Variants in PCDHGA8 observed in about 807,000 individuals in gnomAD.
The protein encoded by PCDHGA8 is protocadherin gamma-A8.
PCDHGA8 carries 45 observed loss-of-function variants against 59.2 expected under a neutral mutation model. The ratio of observed to expected loss-of-function variants is 0.76; its 90% CI spans 0.60 to 0.98. The LOEUF is 0.98. Among genes scored for constraint, PCDHGA8 ranks in the 50% least tolerant of loss-of-function variants. The probability of loss-of-function intolerance (pLI) is 0.00; values close to 1 mark genes in which losing one functional copy is unlikely to be tolerated. For synonymous variants in PCDHGA8, 531 were observed against 519.0 expected, an observed-to-expected ratio of 1.02 and a Z score of -0.32; for missense variants, 1,257 against 1,196.2, an observed-to-expected ratio of 1.05 and a Z score of -0.75.
rs1416755901 is a variant in PCDHGA8 at position 141,489,721 on chromosome 5, G to C, written c.2425-5086G>C. The C allele has an allele frequency of 6.2e-7, 1 of 1,614,016 alleles. No homozygotes were observed. The highest frequency in any genetic ancestry group is 8.5e-7 in the Non-Finnish European group (1 of 1,179,966). On this transcript the variant is annotated intron_variant, in intron 1 of 3. Coordinates refer to ENST00000398604, the MANE Select transcript of PCDHGA8 (RefSeq NM_032088.2). The surrounding 1 kb of genome is among the most constrained non-coding windows in gnomAD (Gnocchi z 4.5). ...CCCACTGGACAGTGCCCAGGATCCGGATGTGGGCACCAATACTGTGAGCTT... is the reference window on the plus strand; with the variant it reads ...CCCACTGGACAGTGCCCAGGATCCGCATGTGGGCACCAATACTGTGAGCTT...
chr5:141,409,179 G>A, intron 1 of PCDHGA8: 1 of 1,613,988 alleles, frequency 6.2e-7, no homozygotes. Context: ...GACGGAGGTG[G>A]TCTCTCTACC....
rs764742899 is a variant in PCDHGA8, at chr5:141,487,062, C to T, written c.2425-7745C>T. On this transcript the variant is annotated intron_variant, in intron 1 of 3. Transcript: ENST00000398604. This position sits in a 1 kb window ranked among gnomAD's most constrained non-coding sequence, Gnocchi z 5.0. Reference sequence around the variant, plus strand: ...TCTCGATATGCTGGGGAGGTGCGGACGGCTGTTCCTATCCCAGCTGACCTC... The same window carrying T: ...TCTCGATATGCTGGGGAGGTGCGGATGGCTGTTCCTATCCCAGCTGACCTC... 2.8e-5 allele frequency: 45 copies of T among 1,613,980 alleles called. No homozygotes were observed. Among genetic ancestry groups the T allele is most frequent in the East Asian group, 1.3e-4 (6 of 44,874 alleles).
In PCDHGA8 at chr5:141,477,157, CA is replaced by C. The variant is rs1240879989; in HGVS notation, c.2425-17648del. 2.5e-6 allele frequency: 4 copies of C among 1,614,064 alleles called. No homozygotes were observed. Among genetic ancestry groups the C allele is most frequent in the Non-Finnish European group, 3.4e-6 (4 of 1,180,046 alleles). ...TGGTGGAGGTTGTGGATGTGAATGACAACGCCCCGGAGATCACAGTCACCTC... is the reference window on the plus strand; with the variant it reads ...TGGTGGAGGTTGTGGATGTGAATGACACGCCCCGGAGATCACAGTCACCTC... On this transcript the variant is annotated intron_variant, in intron 1 of 3. Coordinates refer to ENST00000398604, the MANE Select transcript of PCDHGA8 (RefSeq NM_032088.2). This position sits in a 1 kb window ranked among gnomAD's most constrained non-coding sequence, Gnocchi z 4.9.
At chr5:141,410,006 G>A (rs1201569227) in intron 1 of PCDHGA8, 8 of 1,613,156 alleles carry the variant, frequency 5.0e-6, no homozygotes, top group Non-Finnish European at 5.9e-6. Context: ...GGGACACAAC[G>A]CCTGGCTGTC....
chr5:141,419,523 G>T (rs553587727), intron 1 of PCDHGA8: 21 of 1,612,086 alleles, frequency 1.3e-5, no homozygotes, highest in East Asian at 2.2e-5. Flanking sequence ...GTGGGCGACC[G>T]TAACGACAAC....
intron 1 of PCDHGA8, chr5:141,399,936 C>A (rs1370105984): frequency 6.2e-7 from 1 of 1,612,268 alleles, no homozygotes; most frequent in African/African-American, 1.3e-5. Flanking sequence ...TGTCCTACCA[C>A]GTGCTGCAGG....
chr5:141,419,470 G>A (rs2096387963), intron 1 of PCDHGA8: 1 of 1,612,362 alleles, frequency 6.2e-7, no homozygotes, highest in African/African-American at 1.3e-5. Context: ...CCCGCGACCA[G>A]GGCTCGCCCG....
intron 1 of PCDHGA8, among the ~76,000 whole-genome samples, chr5:141,439,431 G>A (rs2154558488): frequency 6.6e-6 from 1 of 152,298 alleles, no homozygotes; most frequent in Non-Finnish European, 1.5e-5. Flanking sequence ...AAATTCCCAG[G>A]AATATTTTAT....
In PCDHGA8 at chr5:141,421,099, G is replaced by A. The variant is rs941392242; in HGVS notation, c.2424+25862G>A. ...GATACTCACAGATCCTGACACTGGA[G>A]ACTTAGAAGTATTTTCCTTCGCTTT... is the stretch of plus-strand genomic sequence containing the variant. On this transcript the variant is annotated intron_variant, in intron 1 of 3. Coordinates refer to ENST00000398604, the MANE Select transcript of PCDHGA8 (RefSeq NM_032088.2). 1.2e-5 allele frequency: 8 copies of A among 680,384 alleles called. No individual in the cohort carries two copies. In the Admixed American group the frequency reaches 1.2e-4, roughly 11 times the overall value. 42.1% of individuals were successfully genotyped at this position (680,384 alleles called of 1,614,324 possible).
intron 1 of PCDHGA8, chr5:141,441,447 C>T: frequency 6.2e-6 from 1 of 161,550 alleles, no homozygotes. Flanking sequence ...CCAGCCCAAG[C>T]ATCACCCTAC....
intron 1 of PCDHGA8, chr5:141,398,512 C>G: frequency 1.3e-6 from 2 of 1,588,756 alleles, no homozygotes; most frequent in Non-Finnish European, 1.7e-6. Context: ...CATTAATGAC[C>G]ACACGCCAAA....
intron 1 of PCDHGA8, chr5:141,478,910 A>C (rs568573298): frequency 1.1e-6 from 1 of 893,688 alleles, no homozygotes; most frequent in Non-Finnish European, 1.6e-6. Context: ...AAGCTGCTGG[A>C]TACCTCTAAC....
At chr5:141,433,358 C>CCTGCCTAT (rs1554125966) in intron 1 of PCDHGA8, 1 of 498,106 alleles carries the variant, frequency 2.0e-6, no homozygotes, top group Non-Finnish European at 3.5e-6. Flanking sequence ...CTACTGTCTG[C>CCTGCCTAT]CTATCTATCT....
rs2233605 is a variant in PCDHGA8 at position 141,490,412 on chromosome 5, C to A, written c.2425-4395C>A. ...GGTGAAGTGAGCCTTGATATCTCTC[C>A]GGACCTGCCATTTCAGATTAAGCCT... On this transcript the variant is annotated intron_variant, in intron 1 of 3. Transcript: ENST00000398604. This position sits in a 1 kb window ranked among gnomAD's most constrained non-coding sequence, Gnocchi z 5.4. 1.3e-4 allele frequency: 203 copies of A among 1,614,064 alleles called. 1 individual carries two copies. The highest frequency in any genetic ancestry group is 3.5e-4 in the South Asian group (32 of 91,086).
At chr5:141,502,288 G>C (rs2099813700) in intron 2 of PCDHGA8, among the ~76,000 whole-genome samples, 1 of 151,338 alleles carries the variant, frequency 6.6e-6, no homozygotes, top group African/African-American at 2.5e-5. Flanking sequence ...ATTGCATTTG[G>C]TTGTCACGTC....
Position 141,489,978 on chromosome 5 carries a change from T to C in PCDHGA8, c.2425-4829T>C. 6.2e-7 allele frequency: 1 copy of C among 1,614,192 alleles called. No homozygotes were observed. Among genetic ancestry groups the C allele is most frequent in the Non-Finnish European group, 8.5e-7 (1 of 1,180,012 alleles). On this transcript the variant is annotated intron_variant, in intron 1 of 3. Coordinates refer to ENST00000398604, the MANE Select transcript of PCDHGA8 (RefSeq NM_032088.2). The surrounding 1 kb of genome is among the most constrained non-coding windows in gnomAD (Gnocchi z 4.5). ...ATGCTCCAACCTTCCAATCCTCAGT[T>C]CTACGTGTGGGAATCCCAGAGAATG...
chr5:141,497,413 T>A (rs572922456), intron 2 of PCDHGA8, among the ~76,000 whole-genome samples: 1 of 151,928 alleles, frequency 6.6e-6, no homozygotes, highest in African/African-American at 2.4e-5. Context: ...TCCCATTCCA[T>A]CAAATGAGAG....
At chr5:141,430,575 A>G in intron 1 of PCDHGA8, 2 of 455,822 alleles carry the variant, frequency 4.4e-6, no homozygotes, top group East Asian at 3.5e-5. Flanking sequence ...AAAAGCGGAG[A>G]TCCTGCTCGC....
intron 1 of PCDHGA8, among the ~76,000 whole-genome samples, chr5:141,454,649 G>A (rs1202153817): frequency 6.6e-6 from 1 of 151,800 alleles, no homozygotes; most frequent in Non-Finnish European, 1.5e-5. Context: ...CAGGTGATCT[G>A]CCCACCTCGG....
Sources: allele counts gnomAD v4.1 joint callset (sites outside exome capture counted in the v4.1 genomes callset), GRCh38; gene constraint gnomAD v4.1.1; non-coding constraint Gnocchi (gnomAD v3.1); transcripts MANE v1.5; gene names NCBI Gene and HGNC (gene_info 2026-07-23, HGNC 2026-07-21).